Variants in WDR17 observed in about 807,000 individuals in gnomAD.
The protein encoded by WDR17 is WD repeat domain 17, also known as WD repeat-containing protein 17.
Under a neutral mutation model 161.7 loss-of-function variants are expected in WDR17, and 143 were observed. The observed-to-expected ratio is 0.88, with a 90% confidence interval of 0.77 to 1.02. WDR17 has a LOEUF of 1.02. Ranked by LOEUF, WDR17 falls within the 50% of genes least tolerant of loss-of-function variation. The pLI, the probability that WDR17 is intolerant of heterozygous loss-of-function variation, is 0.00. For missense variants in WDR17, 1,469 were observed against 1,520.9 expected, an observed-to-expected ratio of 0.97 and a Z score of 0.57; for synonymous variants, 517 against 515.6, an observed-to-expected ratio of 1.00 and a Z score of -0.04.
chr4:176,133,884 A>C (rs1743958750), intron 7 of WDR17, among the ~76,000 whole-genome samples: 1 of 150,846 alleles, frequency 6.6e-6, no homozygotes. Context: ...CGTCTTACTC[A>C]CCTTCCTTTT....
chr4:176,083,022 GTTT>G (rs1734954676), intron 1 of WDR17, among the ~76,000 whole-genome samples: 1 of 152,060 alleles, frequency 6.6e-6, no homozygotes, highest in Admixed American at 6.6e-5. Flanking sequence ...TACTTAAACT[GTTT>G]GATAGATTTT....
chr4:176,077,660 A>T (rs1211370971), intron 1 of WDR17, among the ~76,000 whole-genome samples: 3 of 152,100 alleles, frequency 2.0e-5, no homozygotes, highest in Non-Finnish European at 4.4e-5. Flanking sequence ...TCATTTTACT[A>T]GCTCATGTAA....
chr4:176,151,685 T>C lies in WDR17; in HGVS notation c.2305-127T>C, dbSNP rs566915039. The C allele has an allele frequency of 1.4e-5, 11 of 811,040 alleles. No homozygotes were observed. The African/African-American group carries it at 1.9e-4, about 14-fold the overall frequency. The allele number at this position is 811,040 out of a possible 1,614,324, so 50.2% of individuals were successfully genotyped here. ...TCCATCACCTCAAGCATTTATCTTTTTTTGTGTGTTAGGAACATTTCAATT... is the reference window on the plus strand; with the variant it reads ...TCCATCACCTCAAGCATTTATCTTTCTTTGTGTGTTAGGAACATTTCAATT... On this transcript the variant is annotated intron_variant, in intron 16 of 28. Coordinates refer to ENST00000508596, the MANE Select transcript of WDR17 (RefSeq NM_181265.4).
At chr4:176,136,094 A>G (rs996734801) in intron 8 of WDR17, among the ~76,000 whole-genome samples, 2 of 151,618 alleles carry the variant, frequency 1.3e-5, no homozygotes, top group African/African-American at 4.8e-5. Context: ...ATATACGCCT[A>G]TATCTGTCAA....
In WDR17 at chr4:176,151,807, A is replaced by G; in HGVS notation, c.2305-5A>G. ...TTTTAAATTCTATTTTCTTTTTAAAACCAGTCTGAAGCTCAAGAACTAACA... is the reference window on the plus strand; with the variant it reads ...TTTTAAATTCTATTTTCTTTTTAAAGCCAGTCTGAAGCTCAAGAACTAACA... On this transcript the variant is annotated splice_region_variant and splice_polypyrimidine_tract_variant and intron_variant, in intron 16 of 28. Transcript: ENST00000508596. 1 of 1,550,510 alleles carries G rather than the reference A, an allele frequency of 6.4e-7. No homozygotes were observed. The highest frequency in any genetic ancestry group is 8.7e-7 in the Non-Finnish European group (1 of 1,154,134).
intron 7 of WDR17, among the ~76,000 whole-genome samples, chr4:176,134,885 G>C (rs546699486): frequency 6.6e-6 from 1 of 151,614 alleles, no homozygotes; most frequent in Admixed American, 6.6e-5. Context: ...TTGAGGAACC[G>C]TGGTTGACTA....
At position 176,148,334 on chromosome 4, in the gene WDR17, T is replaced by C. The variant is rs200212356; in HGVS notation, c.1896T>C (p.Tyr632=). 1 of 1,611,056 alleles carries C rather than the reference T, an allele frequency of 6.2e-7. No individual in the cohort carries two copies. The highest frequency in any genetic ancestry group is 1.3e-5 in the African/African-American group (1 of 74,468). Reference sequence around the variant, plus strand: ...TGTATGATCACGGTGCAGATGTATATGGTAGAGTGTCTTTCATTCTTTCAT... The same window carrying C: ...TGTATGATCACGGTGCAGATGTATACGGTAGAGTGTCTTTCATTCTTTCAT... ...DTVYDHGADV[Y]GLTCHPSRPF... is the part of the protein sequence containing the mutation. The change falls in exon 13 of 29, where the codon TAT becomes TAC. Residue 632 remains tyrosine, a splice_region_variant and synonymous_variant. Coordinates refer to ENST00000508596, the MANE Select transcript of WDR17 (RefSeq NM_181265.4).
At chr4:176,149,775 C>T (rs1746811671) in intron 13 of WDR17, 32 bp from the exon 14 acceptor site, 2 of 1,602,114 alleles carry the variant, frequency 1.2e-6, no homozygotes, top group Admixed American at 1.8e-5. Flanking sequence ...TCAATGTTCA[C>T]TTTACTTAAA....
intron 12 of WDR17, among the ~76,000 whole-genome samples, chr4:176,147,266 T>C (rs528390525): frequency 6.6e-6 from 1 of 152,302 alleles, no homozygotes; most frequent in South Asian, 2.1e-4. Context: ...TTTGAAGTAC[T>C]ACTATTTTGT....
chr4:176,072,399 A>T (rs1331746935), intron 1 of WDR17, among the ~76,000 whole-genome samples: 1 of 152,158 alleles, frequency 6.6e-6, no homozygotes, highest in Non-Finnish European at 1.5e-5. Context: ...CATTTGTTGG[A>T]GTTGGGATGT....
At chr4:176,085,610 AT>A (rs1047444383) in intron 1 of WDR17, among the ~76,000 whole-genome samples, 7 of 151,922 alleles carry the variant, frequency 4.6e-5, no homozygotes, top group South Asian at 4.1e-4. Context: ...TAGTATTCTT[AT>A]TTTTTTATGT....
chr4:176,120,837 CATTTA>C (rs1261207043), intron 4 of WDR17, among the ~76,000 whole-genome samples: 1 of 151,436 alleles, frequency 6.6e-6, no homozygotes, highest in African/African-American at 2.4e-5. Flanking sequence ...AAACAAATTA[CATTTA>C]ATTTATCTGA....
At chr4:176,113,566 C>A (rs556566194) in intron 2 of WDR17, among the ~76,000 whole-genome samples, 7 of 151,734 alleles carry the variant, frequency 4.6e-5, no homozygotes, top group Non-Finnish European at 8.9e-5. Context: ...CAAAGTATGC[C>A]AATAGAAAAT....
intron 1 of WDR17, among the ~76,000 whole-genome samples, chr4:176,087,297 T>C (rs1735542571): frequency 2.0e-5 from 3 of 152,110 alleles, no homozygotes; most frequent in Non-Finnish European, 1.5e-5. Flanking sequence ...TATTCTTCCA[T>C]TTTTAAATAA....
intron 7 of WDR17, among the ~76,000 whole-genome samples, chr4:176,131,979 G>A (rs1212361957): frequency 1.3e-5 from 2 of 151,982 alleles, no homozygotes; most frequent in Non-Finnish European, 2.9e-5. Context: ...ATGTACAATG[G>A]AAAATTACAT....
At chr4:176,129,593 A>G (rs1022926914) in intron 6 of WDR17, among the ~76,000 whole-genome samples, 4 of 152,080 alleles carry the variant, frequency 2.6e-5, no homozygotes, top group African/African-American at 9.7e-5. Flanking sequence ...AAGCATGGGG[A>G]AGGGATTTCA....
chr4:176,130,379 A>G (rs1015942673), intron 6 of WDR17, among the ~76,000 whole-genome samples: 47 of 152,294 alleles, frequency 3.1e-4, no homozygotes, highest in African/African-American at 1.0e-3. Flanking sequence ...ACTTTCTGTA[A>G]TTCTCAGATT....
At chr4:176,135,705 A>T (rs1475704075) in intron 8 of WDR17, among the ~76,000 whole-genome samples, 1 of 151,584 alleles carries the variant, frequency 6.6e-6, no homozygotes, top group African/African-American at 2.4e-5. Flanking sequence ...GTATTGAAGA[A>T]CTTTTATGCC....
chr4:176,143,518 A>T (rs962019511), intron 11 of WDR17, among the ~76,000 whole-genome samples: 2 of 149,970 alleles, frequency 1.3e-5, no homozygotes, highest in Admixed American at 1.3e-4. Context: ...AAAAAAAATG[A>T]AAAATGAAAA....
Sources: gnomAD v4.1 joint callset for allele counts (sites outside exome capture counted in the v4.1 genomes callset) on GRCh38, gnomAD v4.1.1 for gene constraint, MANE v1.5 for transcripts, NCBI Gene and HGNC (gene_info 2026-07-23, HGNC 2026-07-21) for gene names.